Variants in G6PC1 observed in about 807,000 individuals in gnomAD.
The protein encoded by G6PC1 is glucose-6-phosphatase catalytic subunit 1.
Under a neutral mutation model 30.4 loss-of-function variants are expected in G6PC1, and 23 were observed. That is an observed-to-expected ratio of 0.76 (90% CI 0.55 to 1.07). The LOEUF is 1.07. Among genes scored for constraint, G6PC1 ranks in the 50% least tolerant of loss-of-function variants. G6PC1 has a pLI of 0.00. For synonymous variants in G6PC1, 163 were observed against 175.6 expected (o/e 0.93, Z 0.57); for missense variants, 391 against 433.9 (o/e 0.90, Z 0.88).
chr17:42,911,401 G>C lies in G6PC1; in HGVS notation c.1049G>C (p.Gly350Ala), dbSNP rs1287298742. 6.2e-7 allele frequency: 1 copy of C among 1,614,182 alleles called. No homozygotes were observed. Among genetic ancestry groups the C allele is most frequent in the Non-Finnish European group, 8.5e-7 (1 of 1,180,040 alleles). ...VIPYCLAQVL[G>A]QPHKKSL Reference sequence around the variant, plus strand: ...CCCTACTGCCTCGCCCAGGTCCTGGGCCAGCCGCACAAGAAGTCGTTGTAA... The same window carrying C: ...CCCTACTGCCTCGCCCAGGTCCTGGCCCAGCCGCACAAGAAGTCGTTGTAA... Residue 350 changes from glycine to alanine, a missense_variant, in exon 5 of 5, where the codon GGC becomes GCC. Gly to Ala is a moderately conservative substitution (Grantham distance 60). Coordinates refer to ENST00000253801, the MANE Select transcript of G6PC1 (RefSeq NM_000151.4).
In G6PC1 at chr17:42,906,478, C is replaced by T. The variant is rs367971724; in HGVS notation, c.341-1045C>T. 9.9e-5 allele frequency among the ~76,000 whole-genome samples: 15 copies of T among 152,276 alleles called. No individual in the cohort carries two copies. In the East Asian group the frequency reaches 1.7e-3, roughly 18 times the overall value. On this transcript the variant is annotated intron_variant, in intron 2 of 4. Transcript: ENST00000253801. ...AAGGCTGAGAGCAGAAAGCCATCTACCATCACACTCTCAACAGCTACGAAA... is the reference window on the plus strand; with the variant it reads ...AAGGCTGAGAGCAGAAAGCCATCTATCATCACACTCTCAACAGCTACGAAA...
rs747134498 is a variant in G6PC1 at position 42,911,015 on chromosome 17, C to T, written c.663C>T (p.Ile221=). 8 of 1,614,210 alleles carry T rather than the reference C, an allele frequency of 5.0e-6. No individual in the cohort carries two copies. The highest frequency in any genetic ancestry group is 3.3e-5 in the South Asian group (3 of 91,084). Residue 221 remains isoleucine (I), a synonymous_variant, in exon 5 of 5, where the codon ATC becomes ATT. Coordinates refer to ENST00000253801, the MANE Select transcript of G6PC1 (RefSeq NM_000151.4). ...LITFFLFSFA[I]GFYLLLKGLG... is the part of the protein sequence containing the mutation. ...CCTTCTTCCTGTTCAGCTTCGCCAT[C>T]GGATTTTATCTGCTGCTCAAGGGAC...
chr17:42,901,184 G>T (rs367698992), intron 1 of G6PC1, 78 bp downstream of exon 1: 5 of 1,298,512 alleles, frequency 3.9e-6, no homozygotes, highest in East Asian at 4.6e-5. Flanking sequence ...ATCAGAAGTT[G>T]CTTTCCCCAG....
rs1300476620 is a variant in G6PC1 at position 42,913,793 on chromosome 17, T to C, written c.*2367T>C. On this transcript the variant is annotated 3_prime_UTR_variant, in exon 5 of 5. Coordinates refer to ENST00000253801, the MANE Select transcript of G6PC1 (RefSeq NM_000151.4). ...TCAGTGTCAGCAAGGTTTTGGGTTA[T>C]AGTTCAAGAAAGTCTAAACAGAGCC... is the stretch of plus-strand genomic sequence containing the variant. 6.6e-6 allele frequency among the ~76,000 whole-genome samples: 1 copy of C among 152,178 alleles called. No homozygotes were observed. Among genetic ancestry groups the C allele is most frequent in the Non-Finnish European group, 1.5e-5 (1 of 68,024 alleles).
At position 42,909,205 on chromosome 17, in the gene G6PC1, C is replaced by A. The variant is rs2056080520; in HGVS notation, c.447-98C>A. On this transcript the variant is annotated intron_variant, in intron 3 of 4. Transcript: ENST00000253801. Reference sequence around the variant, plus strand: ...TAATTTACAAAAATTCCACTGAGAGCACCTAAGTTTGCCAGGCTCCAACAT... The same window carrying A: ...TAATTTACAAAAATTCCACTGAGAGAACCTAAGTTTGCCAGGCTCCAACAT... The A allele has an allele frequency of 4.5e-6, 4 of 895,486 alleles. No individual in the cohort carries two copies. In the Admixed American group the frequency reaches 6.8e-5, roughly 15 times the overall value. The allele number at this position is 895,486 out of a possible 1,614,324, so 55.5% of individuals were successfully genotyped here. A position where few individuals can be genotyped will look rare whatever the true frequency, so the allele number is the denominator to read the frequency against.
intron 4 of G6PC1, among the ~76,000 whole-genome samples, chr17:42,910,140 C>T (rs1030438223): frequency 2.4e-4 from 36 of 152,172 alleles, no homozygotes; most frequent in Middle Eastern, 3.4e-3. Flanking sequence ...GGTGAGCCAC[C>T]GCACCCTGCC....
intron 2 of G6PC1, among the ~76,000 whole-genome samples, chr17:42,905,297 T>C (rs1308107417): frequency 6.7e-6 from 1 of 148,982 alleles, no homozygotes; most frequent in Non-Finnish European, 1.5e-5. Context: ...TCCTGGTGCA[T>C]GCCTGTAATC....
rs104894565 is a variant in G6PC1, at chr17:42,900,989, A to T, written c.113A>T (p.Asp38Val). ...DWFILVSVIA[D>V]LRNAFYVLFP... ...TTCATCTTGGTGTCCGTGATCGCAG[A>T]CCTCAGGAATGCCTTCTACGTCCTC... Residue 38 changes from aspartate (D) to valine (V), a missense_variant, in exon 1 of 5, where the codon GAC becomes GTC. Coordinates refer to ENST00000253801, the MANE Select transcript of G6PC1 (RefSeq NM_000151.4). 71 of 1,614,012 alleles carry T rather than the reference A, an allele frequency of 4.4e-5. No homozygotes were observed. Among genetic ancestry groups the T allele is most frequent in the Non-Finnish European group, 5.4e-5 (64 of 1,180,028 alleles).
At chr17:42,907,346 G>A (rs2056067806) in intron 2 of G6PC1, among the ~76,000 whole-genome samples, 177 bp from the exon 3 acceptor site, 1 of 149,394 alleles carries the variant, frequency 6.7e-6, no homozygotes, top group Admixed American at 6.7e-5. Flanking sequence ...TATGGATAAC[G>A]AATGGATGGT....
intron 4 of G6PC1, among the ~76,000 whole-genome samples, chr17:42,910,447 G>A (rs2056088069): frequency 6.6e-6 from 1 of 152,174 alleles, no homozygotes; most frequent in Admixed American, 6.6e-5. Context: ...TTAGGTTAGA[G>A]AGAATAACTG....
At chr17:42,903,857 T>A in intron 1 of G6PC1, 74 bp from the exon 2 acceptor site, 4 of 971,512 alleles carry the variant, frequency 4.1e-6, no homozygotes, top group Non-Finnish European at 5.0e-6. Context: ...CAGGCTACAC[T>A]CTTCTTGAAG....
chr17:42,905,506 C>CAAAA (rs555446125), intron 2 of G6PC1, among the ~76,000 whole-genome samples: 134 of 66,514 alleles, frequency 2.0e-3, no homozygotes, highest in African/African-American at 6.5e-3. Context: ...TGTTTATAGG[C>CAAAA]AAAAAAAAAA....
Position 42,913,742 on chromosome 17 carries a change from C to T in G6PC1, c.*2316C>T, listed in dbSNP as rs552942446. On this transcript the variant is annotated 3_prime_UTR_variant, in exon 5 of 5. Coordinates refer to ENST00000253801, the MANE Select transcript of G6PC1 (RefSeq NM_000151.4). ...CACAAGTTGCAGTAACACAACAAGA[C>T]TAGGCCAGCTCTGGAATCCAGTAAC... Among the ~76,000 whole-genome samples, 2 of 152,286 alleles carry T rather than the reference C, an allele frequency of 1.3e-5. No individual in the cohort carries two copies. The highest frequency in any genetic ancestry group is 4.1e-4 in the South Asian group (2 of 4,830).
rs530307111 is a variant in G6PC1 at position 42,912,091 on chromosome 17, T to C, written c.*665T>C. On this transcript the variant is annotated 3_prime_UTR_variant, in exon 5 of 5. Coordinates refer to ENST00000253801, the MANE Select transcript of G6PC1 (RefSeq NM_000151.4). Reference sequence around the variant, plus strand: ...GAAAAGAAGGCTGCCTAAGGAGGAGTTTTTAGTATGTGGCGTATCATGCAA... The same window carrying C: ...GAAAAGAAGGCTGCCTAAGGAGGAGCTTTTAGTATGTGGCGTATCATGCAA... The C allele has an allele frequency of 6.5e-6, 1 of 153,782 alleles. No individual in the cohort carries two copies. Among genetic ancestry groups the C allele is most frequent in the East Asian group, 1.9e-4 (1 of 5,152 alleles). 9.5% of individuals were successfully genotyped at this position (153,782 alleles called of 1,614,324 possible). A position where few individuals can be genotyped will look rare whatever the true frequency, so the allele number is the denominator to read the frequency against.
rs2056108624 is a variant in G6PC1, at chr17:42,913,431, G to A, written c.*2005G>A. The A allele has an allele frequency of 6.6e-6, 1 of 152,096 alleles. No homozygotes were observed. Among genetic ancestry groups the A allele is most frequent in the African/African-American group, 2.4e-5 (1 of 41,390 alleles). 9.4% of individuals were successfully genotyped at this position (152,096 alleles called of 1,614,324 possible). On this transcript the variant is annotated 3_prime_UTR_variant, in exon 5 of 5. Transcript: ENST00000253801. ...TCTGTTTCCCTAAACAAATAATTTG[G>A]TTTCTCTGTGCCTGCATTTTCCCTT... is the stretch of plus-strand genomic sequence containing the variant.
In G6PC1 at chr17:42,911,629, C is replaced by G; in HGVS notation, c.*203C>G. 1.5e-6 allele frequency: 1 copy of G among 689,116 alleles called. No homozygotes were observed. Among genetic ancestry groups the G allele is most frequent in the South Asian group, 1.8e-5 (1 of 55,576 alleles). The allele number at this position is 689,116 out of a possible 1,614,324, so 42.7% of individuals were successfully genotyped here. On this transcript the variant is annotated 3_prime_UTR_variant, in exon 5 of 5. Coordinates refer to ENST00000253801, the MANE Select transcript of G6PC1 (RefSeq NM_000151.4). ...CTCCAGCCTGCCCTCAGCACAGACTCTTTCAGATGGAGGTGCCATATCACG... is the reference window on the plus strand; with the variant it reads ...CTCCAGCCTGCCCTCAGCACAGACTGTTTCAGATGGAGGTGCCATATCACG...
intron 1 of G6PC1, among the ~76,000 whole-genome samples, chr17:42,902,996 A>G (rs1289696337): frequency 6.6e-6 from 1 of 151,712 alleles, no homozygotes; most frequent in East Asian, 1.9e-4. Context: ...TTCAAACTGT[A>G]GTTCCATATG....
chr17:42,905,596 C>A (rs1567704427), intron 2 of G6PC1, among the ~76,000 whole-genome samples: 1 of 150,720 alleles, frequency 6.6e-6, no homozygotes, highest in African/African-American at 2.4e-5. Context: ...TTGCTTTCAT[C>A]ATAACAGCTT....
Position 42,907,588 on chromosome 17 carries a change from T to C in G6PC1, c.406T>C (p.Ser136Pro). The change falls in exon 3 of 5, where the codon TCC becomes CCC. Residue 136 changes from serine to proline, a missense_variant. Ser to Pro is a moderately conservative substitution (Grantham distance 74). Transcript: ENST00000253801. ...VYYVMVTSTL[S>P]IFQGKIKPTY... ...CTACGTGATGGTCACATCTACTCTT[T>C]CCATCTTTCAGGGAAAGATAAAGCC... The C allele has an allele frequency of 6.2e-7, 1 of 1,613,962 alleles. No homozygotes were observed.
Sources: allele counts gnomAD v4.1 joint callset (sites outside exome capture counted in the v4.1 genomes callset), GRCh38; gene constraint gnomAD v4.1.1; transcripts MANE v1.5; gene names NCBI Gene and HGNC (gene_info 2026-07-23, HGNC 2026-07-21).